LOC400499: variants seen among roughly 807,000 people sequenced by gnomAD.
chr16:11,485,768 T>C, the LOC400499 span, among the ~76,000 whole-genome samples: 1 of 152,318 alleles, frequency 6.6e-6, no homozygotes, highest in Admixed American at 6.5e-5. Flanking sequence ...GATAGCATTT[T>C]CAGAGAAGTC....
chr16:11,386,116 G>T, the LOC400499 span, among the ~76,000 whole-genome samples: 2 of 152,236 alleles, frequency 1.3e-5, no homozygotes, highest in African/African-American at 4.8e-5. Context: ...CATTCACTAT[G>T]TAAGTGGATA....
chr16:11,406,878 T>C, the LOC400499 span, among the ~76,000 whole-genome samples: 6 of 152,246 alleles, frequency 3.9e-5, no homozygotes, highest in Admixed American at 1.3e-4. Context: ...CGTATCATAG[T>C]ACTATCTGGC....
At chr16:11,409,477 G>T in the LOC400499 span, among the ~76,000 whole-genome samples, 1 of 152,128 alleles carries the variant, frequency 6.6e-6, no homozygotes, top group Non-Finnish European at 1.5e-5. Flanking sequence ...CTGAGTAGTT[G>T]TAACAGGGAC....
the LOC400499 span, among the ~76,000 whole-genome samples, chr16:11,490,012 A>T: frequency 5.9e-5 from 9 of 152,190 alleles, no homozygotes; most frequent in South Asian, 1.9e-3. Flanking sequence ...TTATAGTACA[A>T]ACTTCTGGCG....
At chr16:11,424,142 G>A in the LOC400499 span, 43 of 399,464 alleles carry the variant, frequency 1.1e-4, no homozygotes, top group Admixed American at 1.2e-3. Flanking sequence ...AGGAGAAGGG[G>A]AGGCCCCAGT....
the LOC400499 span, chr16:11,508,785 G>T: frequency 2.5e-6 from 1 of 399,090 alleles, no homozygotes; most frequent in Non-Finnish European, 4.4e-6. Flanking sequence ...CCATGGCCTG[G>T]GATGGTGTCT....
At chr16:11,396,918 G>A in the LOC400499 span, among the ~76,000 whole-genome samples, 1 of 152,164 alleles carries the variant, frequency 6.6e-6, no homozygotes, top group African/African-American at 2.4e-5. Context: ...CGTAAGTGCT[G>A]CCCCGTGTTC....
the LOC400499 span, among the ~76,000 whole-genome samples, chr16:11,434,819 C>T: frequency 6.6e-6 from 1 of 152,172 alleles, no homozygotes; most frequent in African/African-American, 2.4e-5. Context: ...CGAGTTGGGA[C>T]TTGAACCCAA....
chr16:11,471,829 G>C, the LOC400499 span: 1 of 399,090 alleles, frequency 2.5e-6, no homozygotes, highest in Non-Finnish European at 4.4e-6. Flanking sequence ...TGCAGAGAGA[G>C]GTAAGCAGGC....
chr16:11,391,540 A>G, the LOC400499 span: 1 of 786,850 alleles, frequency 1.3e-6, no homozygotes, highest in Non-Finnish European at 1.7e-6. Flanking sequence ...CTACAGGCCC[A>G]TGGGAAGCGA....
the LOC400499 span, among the ~76,000 whole-genome samples, chr16:11,510,389 C>T: frequency 2.6e-5 from 4 of 151,798 alleles, 1 homozygote; most frequent in African/African-American, 9.7e-5. Context: ...GTGCCTGCCC[C>T]AGGGCCTTTG....
chr16:11,421,409 G>GT, the LOC400499 span, among the ~76,000 whole-genome samples: 3,372 of 148,302 alleles, frequency 0.023, 98 homozygotes, highest in African/African-American at 0.069. Context: ...TTTTTGTGTT[G>GT]TTTTTTTTTT....
the LOC400499 span, among the ~76,000 whole-genome samples, chr16:11,464,473 G>A: frequency 1.3e-5 from 2 of 152,238 alleles, no homozygotes; most frequent in East Asian, 1.9e-4. Flanking sequence ...GTAAACTGGG[G>A]CTCTCCAGGC....
chr16:11,426,858 C>T, the LOC400499 span, among the ~76,000 whole-genome samples: 2 of 138,686 alleles, frequency 1.4e-5, no homozygotes, highest in African/African-American at 5.5e-5. Flanking sequence ...GATCATCCCA[C>T]TGCACTTCAG....
the LOC400499 span, among the ~76,000 whole-genome samples, chr16:11,384,650 G>A: frequency 6.6e-6 from 1 of 152,212 alleles, no homozygotes; most frequent in Non-Finnish European, 1.5e-5. Context: ...CTCCACACTG[G>A]AGCCGCGTGT....
the LOC400499 span, chr16:11,402,361 C>G: frequency 7.7e-6 from 3 of 389,052 alleles, no homozygotes; most frequent in East Asian, 1.1e-4. Context: ...ACACCCTGCA[C>G]TGTCCCTGTG....
the LOC400499 span, among the ~76,000 whole-genome samples, chr16:11,501,351 G>A: frequency 2.0e-5 from 3 of 151,946 alleles, no homozygotes; most frequent in Admixed American, 6.6e-5. Flanking sequence ...CACAACATCA[G>A]GACATTTATT....
the LOC400499 span, chr16:11,465,488 G>C: frequency 6.6e-6 from 1 of 152,160 alleles, no homozygotes; most frequent in Non-Finnish European, 1.5e-5. Flanking sequence ...CTTCAACACA[G>C]TGACAGGGGC....
chr16:11,410,347 A>G, the LOC400499 span, among the ~76,000 whole-genome samples: 143 of 152,254 alleles, frequency 9.4e-4, no homozygotes, highest in Non-Finnish European at 1.8e-3. Context: ...CCAGCTACTC[A>G]GGAGGCTGGG....
Sources: gnomAD v4.1 joint callset for allele counts (sites outside exome capture counted in the v4.1 genomes callset) on GRCh38, gnomAD v4.1.1 for gene constraint, MANE v1.5 for transcripts.